The following SAMSN1 variants were observed in gnomAD, a reference collection of about 807,000 sequenced individuals.
SAMSN1 encodes SAM domain-containing protein SAMSN-1.
Under a neutral mutation model 42.0 loss-of-function variants are expected in SAMSN1, and 31 were observed. The ratio of observed to expected loss-of-function variants is 0.74; its 90% CI spans 0.55 to 1.00. The LOEUF (loss-of-function observed/expected upper bound fraction) is 1.00. SAMSN1 is among the 50% of genes least tolerant of loss of function. The probability of loss-of-function intolerance (pLI) is 0.00; values close to 1 mark genes in which losing one functional copy is unlikely to be tolerated. For missense variants in SAMSN1, 464 were observed against 439.4 expected (o/e 1.06, Z -0.50); for synonymous variants, 178 against 151.9 (o/e 1.17, Z -1.26).
chr21:14,486,123 G>T lies in SAMSN1; in HGVS notation c.920-9C>A. 6.3e-7 allele frequency: 1 copy of T among 1,598,142 alleles called. No homozygotes were observed. The highest frequency in any genetic ancestry group is 8.6e-7 in the Non-Finnish European group (1 of 1,168,764). ...TTCTTGCTCTTGAATAACTGTAAAT[G>T]GAAAAAAAGGGCAGGAGTTAGGTAA... On this transcript the variant is annotated splice_polypyrimidine_tract_variant and intron_variant, in intron 7 of 7. Coordinates refer to ENST00000400566, the MANE Select transcript of SAMSN1 (RefSeq NM_022136.5).
chr21:14,607,155 G>T (rs1310136768), intron 5 of SAMSN1, among the ~76,000 whole-genome samples: 2 of 152,032 alleles, frequency 1.3e-5, no homozygotes, highest in African/African-American at 4.8e-5. Context: ...AATCATGTGG[G>T]TTGTGGATGA....
upstream of SAMSN1, among the ~76,000 whole-genome samples, chr21:14,587,751 A>AT (rs1174391429): frequency 6.6e-6 from 1 of 150,916 alleles, no homozygotes; most frequent in Non-Finnish European, 1.5e-5. Context: ...CACCTTATTT[A>AT]TTTATTTATT....
chr21:14,611,151 G>A (rs1458884425), intron 4 of SAMSN1, among the ~76,000 whole-genome samples: 1 of 152,024 alleles, frequency 6.6e-6, no homozygotes, highest in East Asian at 1.9e-4. Context: ...TCCTGAAAAG[G>A]TTAAACTATC....
intron 2 of SAMSN1, among the ~76,000 whole-genome samples, chr21:14,580,940 TA>T: frequency 6.6e-6 from 1 of 152,150 alleles, no homozygotes. Flanking sequence ...TTGAGCAATT[TA>T]CAAGGAAATT....
chr21:14,612,490 C>A (rs1982733851), intron 4 of SAMSN1: 2 of 349,944 alleles, frequency 5.7e-6, no homozygotes, highest in Non-Finnish European at 1.2e-5. Context: ...GTAGAAGAGA[C>A]TTTTATAATG....
chr21:14,581,759 A>G (rs1045330973), intron 2 of SAMSN1, among the ~76,000 whole-genome samples: 2 of 152,160 alleles, frequency 1.3e-5, no homozygotes, highest in Non-Finnish European at 2.9e-5. Flanking sequence ...AATGCTTAGG[A>G]AAATGGCAGG....
At chr21:14,612,482 A>G (rs1461498726) in intron 4 of SAMSN1, 1 of 337,514 alleles carries the variant, frequency 3.0e-6, no homozygotes, top group Non-Finnish European at 6.1e-6. Context: ...GAAATGTTGT[A>G]GAAGAGACTT....
intron 2 of SAMSN1, among the ~76,000 whole-genome samples, chr21:14,565,049 C>T (rs1021535188): frequency 1.3e-5 from 2 of 151,956 alleles, no homozygotes; most frequent in African/African-American, 4.8e-5. Context: ...AATCCCAGCA[C>T]TTTGGGAGGC....
intron 2 of SAMSN1, among the ~76,000 whole-genome samples, chr21:14,637,704 G>T (rs1983500830): frequency 6.6e-6 from 1 of 151,676 alleles, no homozygotes. Context: ...TCATCAGTCT[G>T]TATCTTAACT....
intron 1 of SAMSN1, among the ~76,000 whole-genome samples, chr21:14,654,351 CTAAG>C (rs1255695391): frequency 6.6e-6 from 1 of 151,946 alleles, no homozygotes; most frequent in African/African-American, 2.4e-5. Flanking sequence ...TTATTAAGAA[CTAAG>C]TAAGTCATGA....
In SAMSN1 at chr21:14,498,593, C is replaced by T; in HGVS notation, c.769-1G>A. The T allele has an allele frequency of 6.4e-7, 1 of 1,553,594 alleles. No individual in the cohort carries two copies. Among genetic ancestry groups the T allele is most frequent in the Non-Finnish European group, 8.6e-7 (1 of 1,159,932 alleles). ...TGAGCAAAAGTGTTGAGGTGTATTC[C>T]TGTAAGACAAAAAATATAAAGCAAA... On this transcript the variant is annotated splice_acceptor_variant, in intron 6 of 7. Transcript: ENST00000400566. LOFTEE classifies it high-confidence loss of function.
intron 6 of SAMSN1, among the ~76,000 whole-genome samples, chr21:14,500,070 G>A (rs191654657): frequency 1.4e-4 from 22 of 152,180 alleles, no homozygotes; most frequent in African/African-American, 4.3e-4. Flanking sequence ...GATGATCACC[G>A]TTTCCCTCAA....
rs913516074 is a variant in SAMSN1 at position 14,580,443 on chromosome 21, C to G, written c.261+1693G>C. On this transcript the variant is annotated intron_variant, in intron 2 of 8. Coordinates refer to the SAMSN1 transcript ENST00000285670. ...AGCCACTTGCCAAGGAGTCATCAGC[C>G]TTGATCCTGCTTCTGAAGATATCAG... Among the ~76,000 whole-genome samples the G allele has an allele frequency of 4.6e-5, 7 of 152,176 alleles. No homozygotes were observed. The South Asian group carries it at 1.0e-3, about 23-fold the overall frequency.
intron 2 of SAMSN1, among the ~76,000 whole-genome samples, chr21:14,562,053 G>A (rs1316259411): frequency 2.0e-5 from 3 of 152,244 alleles, no homozygotes; most frequent in African/African-American, 7.2e-5. Context: ...GTATGACTTT[G>A]TTATGGCAGC....
chr21:14,495,336 T>G (rs1986874318), intron 7 of SAMSN1, among the ~76,000 whole-genome samples: 1 of 152,188 alleles, frequency 6.6e-6, no homozygotes, highest in East Asian at 1.9e-4. Flanking sequence ...TCATCAGAAC[T>G]CGACATCTTA....
chr21:14,652,475 C>G (rs1983851760), intron 1 of SAMSN1, among the ~76,000 whole-genome samples: 1 of 151,968 alleles, frequency 6.6e-6, no homozygotes, highest in African/African-American at 2.4e-5. Flanking sequence ...GCTGGAAAAA[C>G]TAAATATTCA....
intron 2 of SAMSN1, among the ~76,000 whole-genome samples, chr21:14,576,175 G>A (rs1031687047): frequency 1.4e-4 from 21 of 152,236 alleles, no homozygotes; most frequent in African/African-American, 4.3e-4. Flanking sequence ...GGCGTTTAAA[G>A]GTTTGTGAGG....
At chr21:14,612,275 A>G (rs1346969225) in intron 4 of SAMSN1, among the ~76,000 whole-genome samples, 1 of 152,182 alleles carries the variant, frequency 6.6e-6, no homozygotes, top group Non-Finnish European at 1.5e-5. Context: ...GATGATCCAG[A>G]TGTTTCACAT....
At chr21:14,611,609 T>C (rs900061538) in intron 4 of SAMSN1, among the ~76,000 whole-genome samples, 1 of 152,198 alleles carries the variant, frequency 6.6e-6, no homozygotes. Context: ...AGATGAAAAA[T>C]AAAATGTTGC....
Sources: allele counts gnomAD v4.1 joint callset (sites outside exome capture counted in the v4.1 genomes callset), GRCh38; gene constraint gnomAD v4.1.1; transcripts MANE v1.5; gene names NCBI Gene and HGNC (gene_info 2026-07-23, HGNC 2026-07-21).